Variants in IL7 observed in about 807,000 individuals in gnomAD.
IL7 encodes interleukin 7, also known as interleukin-7.
A neutral mutation model predicts 21.6 loss-of-function variants in IL7; 3 were observed. The ratio of observed to expected loss-of-function variants is 0.14; its 90% CI spans 0.06 to 0.36. The LOEUF (loss-of-function observed/expected upper bound fraction) is 0.36. IL7 is among the 10% of genes least tolerant of loss of function. The pLI, the probability that IL7 is intolerant of heterozygous loss-of-function variation, is 1.00. For missense variants in IL7, 175 were observed against 200.2 expected, an observed-to-expected ratio of 0.87 and a Z score of 0.76; for synonymous variants, 62 against 68.1, an observed-to-expected ratio of 0.91 and a Z score of 0.44.
chr8:78,784,500 G>A (rs1813446554), intron 2 of IL7, among the ~76,000 whole-genome samples: 3 of 151,840 alleles, frequency 2.0e-5, no homozygotes, highest in Non-Finnish European at 2.9e-5. Context: ...CTATATACAC[G>A]ATATAACATA....
At chr8:78,725,449 A>G (rs573324377) in intron 3 of IL7, among the ~76,000 whole-genome samples, 7 of 151,884 alleles carry the variant, frequency 4.6e-5, no homozygotes, top group Admixed American at 3.9e-4. Flanking sequence ...ACAGCCTCCA[A>G]ACTTGACTAT....
At chr8:78,800,241 G>A (rs1000606829) in intron 1 of IL7, among the ~76,000 whole-genome samples, 3 of 152,092 alleles carry the variant, frequency 2.0e-5, no homozygotes, top group Non-Finnish European at 4.4e-5. Flanking sequence ...TGCAAAAGAC[G>A]ACTTAACTCT....
chr8:78,686,435 A>G (rs76375571), intron 3 of IL7: 65 of 58,180 alleles, frequency 1.1e-3, no homozygotes, highest in Admixed American at 2.7e-3. Flanking sequence ...CTGTTTGTTT[A>G]TTTATTTATT....
chr8:78,723,092 A>AATATATATATATATATATAT (rs71264200), intron 3 of IL7, among the ~76,000 whole-genome samples: 42 of 140,492 alleles, frequency 3.0e-4, no homozygotes, highest in Admixed American at 5.0e-4. Context: ...TAGAAGTACA[A>AATATATATATATATATATAT]ATATATATAT....
chr8:78,720,511 G>A (rs1378411195), intron 5 of IL7, among the ~76,000 whole-genome samples: 1 of 151,782 alleles, frequency 6.6e-6, no homozygotes, highest in Non-Finnish European at 1.5e-5. Context: ...AGCCACTAGA[G>A]GGTGCATTTG....
intron 3 of IL7, among the ~76,000 whole-genome samples, chr8:78,700,298 A>G (rs1185555139): frequency 2.0e-5 from 3 of 151,576 alleles, no homozygotes; most frequent in African/African-American, 7.3e-5. Flanking sequence ...TCTGTTGTCC[A>G]CTTTTTAATG....
chr8:78,768,471 T>C (rs1193225733), intron 2 of IL7, among the ~76,000 whole-genome samples: 3 of 148,188 alleles, frequency 2.0e-5, no homozygotes, highest in Admixed American at 2.0e-4. Flanking sequence ...TTCTAACTGG[T>C]GTGAGATGGT....
intron 2 of IL7, among the ~76,000 whole-genome samples, chr8:78,793,936 A>G (rs910253764): frequency 6.6e-6 from 1 of 152,154 alleles, no homozygotes; most frequent in Non-Finnish European, 1.5e-5. Context: ...TTCTTTGCTC[A>G]TGCCTGAGAA....
At position 78,798,124 on chromosome 8, in the gene IL7, T is replaced by G. The variant is rs199815883; in HGVS notation, c.95A>C (p.Lys32Thr). ...VASSDCDIEGKDGKQYESVLM... is the reference protein window; with the variant it reads ...VASSDCDIEGTDGKQYESVLM... ...AACACTCTCATATTGTTTGCCATCT[T>G]TACCTTCAATATCACAATCAGATGA... The change falls in exon 2 of 6, where the codon AAA (lysine) becomes ACA (threonine). Residue 32 changes from lysine to threonine, a missense_variant. Coordinates refer to ENST00000263851, the MANE Select transcript of IL7 (RefSeq NM_000880.4). The G allele has an allele frequency of 3.7e-6, 6 of 1,611,918 alleles. No homozygotes were observed. In the East Asian group the frequency reaches 1.1e-4, roughly 30 times the overall value.
intron 5 of IL7, among the ~76,000 whole-genome samples, chr8:78,720,546 C>G (rs2130630449): frequency 6.6e-6 from 1 of 151,752 alleles, no homozygotes; most frequent in East Asian, 1.9e-4. Flanking sequence ...AATATTACGG[C>G]CTATTCTTTT....
rs1362810718 is a variant in IL7 at position 78,804,969 on chromosome 8, G to A, written c.-47C>T. The A allele has an allele frequency of 6.2e-7, 1 of 1,602,300 alleles. No individual in the cohort carries two copies. The highest frequency in any genetic ancestry group is 2.3e-5 in the East Asian group (1 of 44,254). ...GTCATGATGACCGCAACTGGAGCAGGAGCAAGCTCTCACCGCCCATAGTCA... is the reference window on the plus strand; with the variant it reads ...GTCATGATGACCGCAACTGGAGCAGAAGCAAGCTCTCACCGCCCATAGTCA... On this transcript the variant is annotated 5_prime_UTR_variant, in exon 1 of 6. Coordinates refer to ENST00000263851, the MANE Select transcript of IL7 (RefSeq NM_000880.4).
chr8:78,791,180 T>C lies in IL7; in HGVS notation c.147+6892A>G, dbSNP rs183185418. 5.4e-3 allele frequency among the ~76,000 whole-genome samples: 824 copies of C among 152,298 alleles called. 10 individuals are homozygous for C. The highest frequency in any genetic ancestry group is 0.019 in the African/African-American group (797 of 41,574). On this transcript the variant is annotated intron_variant, in intron 2 of 5. Coordinates refer to ENST00000263851, the MANE Select transcript of IL7 (RefSeq NM_000880.4). The stretch of plus-strand genomic sequence containing the variant: ...GCTTTATAGGAAAACTATTTCTGTA[T>C]CAATTTCACACCAGTCCCTGATCCC...
chr8:78,799,053 A>G (rs1206231805), intron 1 of IL7, among the ~76,000 whole-genome samples: 1 of 152,140 alleles, frequency 6.6e-6, no homozygotes, highest in African/African-American at 2.4e-5. Context: ...TCCCACAAAC[A>G]TTAAAATCTG....
At chr8:78,679,337 A>G (rs534170618) in intron 4 of IL7, 2 of 152,284 alleles carry the variant, frequency 1.3e-5, no homozygotes, top group East Asian at 1.9e-4. Flanking sequence ...TCTGATATCA[A>G]TATCTGTGGA....
At chr8:78,729,335 T>C (rs1466677249), downstream of IL7, among the ~76,000 whole-genome samples, 5 of 152,036 alleles carry the variant, frequency 3.3e-5, no homozygotes, top group Admixed American at 2.6e-4. Context: ...TAGAGATGGA[T>C]GCTTAATAAA....
intron 2 of IL7, among the ~76,000 whole-genome samples, chr8:78,769,040 C>A (rs376940158): frequency 1.3e-5 from 2 of 152,038 alleles, no homozygotes; most frequent in South Asian, 2.1e-4. Flanking sequence ...ATCTCAAAAT[C>A]ATAAGAGCTA....
intron 4 of IL7, among the ~76,000 whole-genome samples, chr8:78,679,974 A>C (rs1809715241): frequency 6.6e-6 from 1 of 152,164 alleles, no homozygotes; most frequent in South Asian, 2.1e-4. Flanking sequence ...AGTGTAATAT[A>C]GTGGGTGTTA....
At chr8:78,715,277 C>A, downstream of IL7, 1 of 1,613,886 alleles carries the variant, frequency 6.2e-7, no homozygotes. Context: ...AATCCTGCCC[C>A]AGGTGTGCTT....
chr8:78,732,769 G>A (rs1811449983), downstream of IL7: 1 of 152,118 alleles, frequency 6.6e-6, no homozygotes, highest in Non-Finnish European at 1.5e-5. Flanking sequence ...GAATCTGGCA[G>A]TGTTAATACA....
Sources: gnomAD v4.1 joint callset for allele counts (sites outside exome capture counted in the v4.1 genomes callset) on GRCh38, gnomAD v4.1.1 for gene constraint, MANE v1.5 for transcripts, NCBI Gene and HGNC (gene_info 2026-07-23, HGNC 2026-07-21) for gene names.